Variants in FRAS1 observed in about 807,000 individuals in gnomAD.
The protein encoded by FRAS1 is Fraser extracellular matrix complex subunit 1, also known as extracellular matrix organizing protein FRAS1.
FRAS1 carries 290 observed loss-of-function variants against 435.2 expected under a neutral mutation model. That is an observed-to-expected ratio of 0.67 (90% CI 0.61 to 0.73). FRAS1 has a LOEUF of 0.73. Ranked by LOEUF, FRAS1 falls within the 30% of genes least tolerant of loss-of-function variation. The pLI, the probability that FRAS1 is intolerant of heterozygous loss-of-function variation, is 0.00. For synonymous variants in FRAS1, 1,800 were observed against 1,851.0 expected (o/e 0.97, Z 0.71); for missense variants, 4,860 against 5,001.5 (o/e 0.97, Z 0.85).
intron 50 of FRAS1, 96 bp from the exon 51 acceptor site, chr4:78,469,882 T>C (rs1496602): frequency 0.99 from 851,643 of 864,150 alleles, 420,369 homozygotes; most frequent in East Asian, 1. Context: ...TCTGAAGTGT[T>C]AGCAGACTTC....
chr4:78,367,760 C>T (rs545224070), intron 22 of FRAS1, among the ~76,000 whole-genome samples: 24 of 152,078 alleles, frequency 1.6e-4, no homozygotes, highest in Middle Eastern at 6.8e-3. Context: ...CACTTGGTTA[C>T]TGTAGGTTCA....
chr4:78,436,190 G>GA lies in FRAS1; in HGVS notation c.5218-2375dup, dbSNP rs1185442941. 3.9e-5 allele frequency among the ~76,000 whole-genome samples: 6 copies of GA among 152,230 alleles called. No homozygotes were observed. The East Asian group carries it at 5.8e-4, about 15-fold the overall frequency. The stretch of plus-strand genomic sequence containing the variant: ...TCAAGAAGAAAAAGATAATCAAGTA[G>GA]AAAAATAAGCAAGAGACATGAACAG... On this transcript the variant is annotated intron_variant, in intron 38 of 73. Transcript: ENST00000512123.
chr4:78,400,763 T>C lies in FRAS1; in HGVS notation c.4005T>C (p.Asn1335=), dbSNP rs754361877. ...ACAGGGGTCTTCAGCTTGTGGCTAA[T>C]TCGATGGTGTGGGTTCCAGAAGGGG... The part of the protein sequence containing the change: ...QNDRGLQLVA[N]SMVWVPEGGM... Residue 1335 remains asparagine (N), a synonymous_variant, in exon 30 of 74, where the codon AAT becomes AAC. Transcript: ENST00000512123. The C allele has an allele frequency of 9.9e-6, 16 of 1,613,290 alleles. No homozygotes were observed. The highest frequency in any genetic ancestry group is 1.4e-5 in the Non-Finnish European group (16 of 1,179,622).
At chr4:78,422,031 C>T (rs748447837) in intron 34 of FRAS1, 31 bp downstream of exon 34, 2 of 1,586,740 alleles carry the variant, frequency 1.3e-6, no homozygotes, top group African/African-American at 2.7e-5. Context: ...TTGAGGCACC[C>T]AACTGCTCTC....
chr4:78,478,543 G>A (rs1243069947), intron 55 of FRAS1, among the ~76,000 whole-genome samples: 1 of 152,024 alleles, frequency 6.6e-6, no homozygotes, highest in Non-Finnish European at 1.5e-5. Context: ...TTCTTTTTTT[G>A]TTTTATTTTT....
At position 78,407,746 on chromosome 4, in the gene FRAS1, C is replaced by T. The variant is rs769951876; in HGVS notation, c.4213C>T (p.Pro1405Ser). 3.1e-6 allele frequency: 5 copies of T among 1,613,784 alleles called. No homozygotes were observed. In the South Asian group the frequency reaches 3.3e-5, roughly 11 times the overall value. ...QHLPDGRTAT[P>S]TSTFTQQDIN... ...CCTGCCTGATGGGAGGACAGCTACC[C>T]CCACCAGCACCTTCACCCAGCAGGA... Residue 1405 changes from proline to serine, a missense_variant, in exon 31 of 74, where the codon CCC (proline) becomes TCC (serine). Transcript: ENST00000512123.
At chr4:78,058,727 C>T (rs1056382675) in intron 1 of FRAS1, among the ~76,000 whole-genome samples, 1 of 152,208 alleles carries the variant, frequency 6.6e-6, no homozygotes, top group African/African-American at 2.4e-5. Flanking sequence ...CCCTCCGCCT[C>T]CTGGTTTTCC....
intron 2 of FRAS1, among the ~76,000 whole-genome samples, chr4:78,148,653 C>T (rs1720513849): frequency 6.6e-6 from 1 of 152,104 alleles, no homozygotes; most frequent in Non-Finnish European, 1.5e-5. Context: ...TCTAAAGCAC[C>T]AAGTTCCCCA....
intron 2 of FRAS1, among the ~76,000 whole-genome samples, chr4:78,235,062 A>G (rs1166060578): frequency 1.3e-5 from 2 of 152,200 alleles, no homozygotes; most frequent in Admixed American, 6.5e-5. Context: ...CAGAAATGCT[A>G]TATTTTAGTC....
intron 28 of FRAS1, 34 bp downstream of exon 28, chr4:78,384,177 C>A: frequency 1.5e-6 from 2 of 1,379,080 alleles, no homozygotes; most frequent in Non-Finnish European, 2.0e-6. Context: ...AATAATTTTA[C>A]ATGACTACTA....
intron 20 of FRAS1, among the ~76,000 whole-genome samples, chr4:78,344,514 C>T (rs1730526152): frequency 8.1e-6 from 1 of 124,058 alleles, no homozygotes; most frequent in Admixed American, 7.5e-5. Context: ...GAATGTGATT[C>T]CAGAGTACTC....
intron 34 of FRAS1, among the ~76,000 whole-genome samples, chr4:78,423,278 T>G (rs1183056720): frequency 6.6e-6 from 1 of 152,072 alleles, no homozygotes; most frequent in Non-Finnish European, 1.5e-5. Flanking sequence ...GCAATTCTCC[T>G]GCCCCAGCCT....
At position 78,466,245 on chromosome 4, in the gene FRAS1, G is replaced by A. The variant is rs377717035; in HGVS notation, c.7067G>A (p.Arg2356His). 1.1e-4 allele frequency: 170 copies of A among 1,613,742 alleles called. No homozygotes were observed. Among genetic ancestry groups the A allele is most frequent in the Admixed American group, 1.0e-4 (6 of 59,990 alleles). The change falls in exon 50 of 74, where the codon CGC (arginine) becomes CAC (histidine). Residue 2356 changes from arginine to histidine, a missense_variant. Arg to His is a conservative substitution (Grantham distance 29, BLOSUM62 0). Transcript: ENST00000512123. ...SVTFTIVQPP[R>H]HGTIERTSNG... ...ACATTCACCATCGTGCAGCCTCCAC[G>A]CCATGGCACCATCGAGCGAACCAGC...
At chr4:78,264,657 C>T (rs1726265975) in intron 6 of FRAS1, among the ~76,000 whole-genome samples, 1 of 152,172 alleles carries the variant, frequency 6.6e-6, no homozygotes, top group African/African-American at 2.4e-5. Context: ...GCAAGTTACA[C>T]ACCTCTCTGG....
rs533608491 is a variant in FRAS1 at position 78,432,592 on chromosome 4, C to A, written c.5205C>A (p.His1735Gln). 189 of 1,581,812 alleles carry A rather than the reference C, an allele frequency of 1.2e-4. 1 individual carries two copies. The Middle Eastern group carries it at 1.2e-3, about 10-fold the overall frequency. ...SKSTAIITRS[H>Q]LAYVDDSSPD... The stretch of plus-strand genomic sequence containing the variant: ...GCACAGCCATAATCACTAGGTCACA[C>A]CTTGCTTACGTGGTAAGTTCTTCCA... Residue 1735 changes from histidine to glutamine, a missense_variant, in exon 38 of 74, where the codon CAC becomes CAA. Coordinates refer to ENST00000512123, the MANE Select transcript of FRAS1 (RefSeq NM_025074.7).
At chr4:78,360,633 T>C (rs555743633) in intron 20 of FRAS1, among the ~76,000 whole-genome samples, 33 of 152,156 alleles carry the variant, frequency 2.2e-4, no homozygotes, top group Non-Finnish European at 4.6e-4. Context: ...TTTAGTGATG[T>C]AGATGAGATC....
intron 9 of FRAS1, among the ~76,000 whole-genome samples, chr4:78,276,162 C>G (rs1223217647): frequency 6.6e-6 from 1 of 152,186 alleles, no homozygotes; most frequent in African/African-American, 2.4e-5. Flanking sequence ...GTTTTCAGCT[C>G]CATCAGGTCA....
At chr4:78,497,978 A>G (rs956107713) in intron 60 of FRAS1, among the ~76,000 whole-genome samples, 32 of 152,342 alleles carry the variant, frequency 2.1e-4, no homozygotes, top group African/African-American at 7.5e-4. Context: ...CTCTGCTGCA[A>G]CTAACACAAG....
chr4:78,305,421 G>A (rs1319158758), intron 14 of FRAS1, among the ~76,000 whole-genome samples: 42 of 150,238 alleles, frequency 2.8e-4, no homozygotes, highest in African/African-American at 1.0e-3. Flanking sequence ...TATCCTTGTT[G>A]ACTTTCTGTC....
Sources: allele counts gnomAD v4.1 joint callset (sites outside exome capture counted in the v4.1 genomes callset), GRCh38; gene constraint gnomAD v4.1.1; transcripts MANE v1.5; gene names NCBI Gene and HGNC (gene_info 2026-07-23, HGNC 2026-07-21).